ICE1: variants seen among roughly 807,000 people sequenced by gnomAD.
ICE1 encodes interactor of little elongation complex ELL subunit 1, also known as little elongation complex subunit 1.
Under a neutral mutation model 192.7 loss-of-function variants are expected in ICE1, and 64 were observed. The ratio of observed to expected loss-of-function variants is 0.33; its 90% CI spans 0.27 to 0.41. The LOEUF (loss-of-function observed/expected upper bound fraction) is 0.41, where lower values mean the gene tolerates loss of function less well. Ranked by LOEUF, ICE1 falls within the 10% of genes least tolerant of loss-of-function variation. The pLI is 1.00. For synonymous variants in ICE1, 1,010 were observed against 984.5 expected (o/e 1.03, Z -0.49); for missense variants, 2,708 against 2,696.0 (o/e 1.00, Z -0.10).
chr5:5,469,982 C>G (rs886087596), intron 15 of ICE1, among the ~76,000 whole-genome samples: 2 of 152,154 alleles, frequency 1.3e-5, no homozygotes, highest in African/African-American at 4.8e-5. Context: ...TTACCTGCTT[C>G]TGGAAGGTTA....
chr5:5,457,705 A>C lies in ICE1; in HGVS notation c.1065A>C (p.Ser355=). The C allele has an allele frequency of 6.2e-7, 1 of 1,613,122 alleles. No homozygotes were observed. Among genetic ancestry groups the C allele is most frequent in the African/African-American group, 1.3e-5 (1 of 74,914 alleles). The part of the protein sequence containing the change: ...SPVPSPPPMS[S]PHPGSLPSSF... ...TGCCCTCGCCCCCTCCGATGTCATC[A>C]CCTCACCCGGGTTCCTTACCGTCTT... Residue 355 remains serine (S), a synonymous_variant, in exon 12 of 19, where the codon TCA becomes TCC. Transcript: ENST00000296564.
chr5:5,447,972 C>A, intron 10 of ICE1, 75 bp downstream of exon 10: 2 of 1,179,426 alleles, frequency 1.7e-6, no homozygotes, highest in South Asian at 1.4e-5. Context: ...TTTGCTCCTA[C>A]ATATAATTGT....
At chr5:5,442,275 C>A (rs553169988) in intron 5 of ICE1, among the ~76,000 whole-genome samples, 2 of 152,184 alleles carry the variant, frequency 1.3e-5, no homozygotes, top group Non-Finnish European at 2.9e-5. Context: ...TCTCTCTAGG[C>A]GCTTCTCACG....
chr5:5,481,394 G>A (rs183508233), intron 17 of ICE1, among the ~76,000 whole-genome samples: 7 of 152,236 alleles, frequency 4.6e-5, no homozygotes, highest in African/African-American at 7.2e-5. Flanking sequence ...ATACGACAGC[G>A]GAAGCAGCCT....
chr5:5,456,274 T>A (rs1344657509), intron 11 of ICE1, among the ~76,000 whole-genome samples: 3 of 152,216 alleles, frequency 2.0e-5, no homozygotes, highest in Non-Finnish European at 4.4e-5. Context: ...TTCTTTAACA[T>A]TGTGCAAATA....
At chr5:5,457,855 C>T (rs1232141962) in intron 12 of ICE1, 114 bp downstream of exon 12, 3 of 1,102,288 alleles carry the variant, frequency 2.7e-6, no homozygotes, top group Admixed American at 2.3e-5. Flanking sequence ...TCATTTTAGC[C>T]AATTTTGTTA....
Position 5,437,016 on chromosome 5 carries a change from T to G in ICE1, c.144-64T>G, listed in dbSNP as rs541976798. 142 of 1,069,480 alleles carry G rather than the reference T, an allele frequency of 1.3e-4. No individual in the cohort carries two copies. In the African/African-American group the frequency reaches 2.0e-3, roughly 15 times the overall value. 66.2% of individuals were successfully genotyped at this position (1,069,480 alleles called of 1,614,324 possible). On this transcript the variant is annotated intron_variant, in intron 2 of 18. Transcript: ENST00000296564. The stretch of plus-strand genomic sequence containing the variant: ...AGGGTGCCTTGCATGGATTGAAACA[T>G]AATTTTAACATAGTATATTTTCTAA...
intron 1 of ICE1, among the ~76,000 whole-genome samples, chr5:5,429,213 G>A (rs1462982294): frequency 6.6e-6 from 1 of 152,116 alleles, no homozygotes; most frequent in Admixed American, 6.5e-5. Flanking sequence ...ACTGGGGGCT[G>A]GTCTTGTAGG....
At position 5,424,622 on chromosome 5, in the gene ICE1, T is replaced by C. The variant is rs116133136; in HGVS notation, c.84+1623T>C. On this transcript the variant is annotated intron_variant, in intron 1 of 18. Transcript: ENST00000296564. ...GTTATGTTAGAGGGTAATGAAAACG[T>C]TGTTGATGAATTGAACAGAGATGGG... is the stretch of plus-strand genomic sequence containing the variant. 4.7e-3 allele frequency among the ~76,000 whole-genome samples: 721 copies of C among 152,248 alleles called. 6 individuals are homozygous for C. Among genetic ancestry groups the C allele is most frequent in the African/African-American group, 0.014 (594 of 41,526 alleles).
intron 1 of ICE1, among the ~76,000 whole-genome samples, chr5:5,433,861 A>G (rs1397311288): frequency 6.6e-6 from 1 of 152,082 alleles, no homozygotes; most frequent in African/African-American, 2.4e-5. Flanking sequence ...CCCTCCTTAC[A>G]GTTTTTAGCA....
At chr5:5,460,367 T>G (rs1280792928) in intron 12 of ICE1, 69 bp from the exon 13 acceptor site, 11 of 954,834 alleles carry the variant, frequency 1.2e-5, no homozygotes, top group Non-Finnish European at 1.5e-5. Context: ...TAAAAAATAA[T>G]GCATTTAATT....
intron 14 of ICE1, among the ~76,000 whole-genome samples, chr5:5,467,633 G>C (rs1481074428): frequency 6.6e-6 from 1 of 152,118 alleles, no homozygotes; most frequent in Non-Finnish European, 1.5e-5. Context: ...TGTATACTCT[G>C]TAAGGAGAGA....
intron 1 of ICE1, among the ~76,000 whole-genome samples, chr5:5,430,209 G>C (rs1273002006): frequency 2.6e-5 from 4 of 152,120 alleles, no homozygotes; most frequent in Admixed American, 6.5e-5. Context: ...CCTTCACCCA[G>C]GCACACCCTG....
intron 3 of ICE1, among the ~76,000 whole-genome samples, chr5:5,439,435 G>T (rs1737972627): frequency 5.9e-5 from 9 of 152,104 alleles, no homozygotes; most frequent in Admixed American, 5.9e-4. Flanking sequence ...TAAAAAATGA[G>T]AGTTTTGTAG....
rs576441507 is a variant in ICE1 at position 5,486,444 on chromosome 5, A to G, written c.6521-277A>G. Among the ~76,000 whole-genome samples, 12 of 152,294 alleles carry G rather than the reference A, an allele frequency of 7.9e-5. No homozygotes were observed. The South Asian group carries it at 2.3e-3, about 29-fold the overall frequency. On this transcript the variant is annotated intron_variant, in intron 17 of 18. Transcript: ENST00000296564. Reference sequence around the variant, plus strand: ...CCAAAGTGTCAGACCAAAAATACATATTTTGGTGGGACCATAGTCTTATCT... The same window carrying G: ...CCAAAGTGTCAGACCAAAAATACATGTTTTGGTGGGACCATAGTCTTATCT...
chr5:5,447,759 G>C lies in ICE1; in HGVS notation c.546G>C (p.Lys182Asn), dbSNP rs1301604688. 16 of 1,584,186 alleles carry C rather than the reference G, an allele frequency of 1.0e-5. 1 individual carries two copies. In the Admixed American group the frequency reaches 2.7e-4, roughly 26 times the overall value. ...AATTTTCTAAACAGAAAAATGAAAA[G>C]GGTGAGTATTCAGTTAATGCTTACA... ...LDEFSKQKNE[K>N]ELRHIGTQIS... The change falls in exon 9 of 19, where the codon AAG (lysine) becomes AAC (asparagine). Residue 182 changes from lysine (K) to asparagine (N), a missense_variant and splice_region_variant. Transcript: ENST00000296564.
intron 1 of ICE1, among the ~76,000 whole-genome samples, chr5:5,427,461 G>A (rs1322595857): frequency 6.6e-6 from 1 of 152,198 alleles, no homozygotes; most frequent in Non-Finnish European, 1.5e-5. Context: ...TCACTGCAGT[G>A]CAAAACAGTT....
chr5:5,474,942 A>G (rs1352540601), intron 16 of ICE1, among the ~76,000 whole-genome samples: 1 of 152,224 alleles, frequency 6.6e-6, no homozygotes, highest in Admixed American at 6.5e-5. Context: ...ATTAAAACAC[A>G]TAGCTATGAA....
chr5:5,439,547 G>T (rs144136108), intron 3 of ICE1, among the ~76,000 whole-genome samples: 1 of 152,232 alleles, frequency 6.6e-6, no homozygotes, highest in East Asian at 1.9e-4. Context: ...GAAAAATGAA[G>T]GACAGGTTGT....
Sources: gnomAD v4.1 joint callset for allele counts (sites outside exome capture counted in the v4.1 genomes callset) on GRCh38, gnomAD v4.1.1 for gene constraint, MANE v1.5 for transcripts, NCBI Gene and HGNC (gene_info 2026-07-23, HGNC 2026-07-21) for gene names.